Variants in PSD3 observed in about 807,000 individuals in gnomAD.
PSD3 encodes the protein pleckstrin and Sec7 domain containing 3.
In PSD3, 49 loss-of-function variants were observed where a neutral mutation model predicts 105.5. The ratio of observed to expected loss-of-function variants is 0.46; its 90% CI spans 0.37 to 0.59. The LOEUF (loss-of-function observed/expected upper bound fraction) is 0.59, where lower values mean the gene tolerates loss of function less well. PSD3 is among the 20% of genes least tolerant of loss of function. The pLI, the probability that PSD3 is intolerant of heterozygous loss-of-function variation, is 0.00. For synonymous variants in PSD3, 557 were observed against 457.8 expected (o/e 1.22, Z -2.77); for missense variants, 1,561 against 1,263.8 (o/e 1.24, Z -3.57).
chr8:18,809,560 T>C (rs1230628585), intron 4 of PSD3, among the ~76,000 whole-genome samples: 1 of 152,218 alleles, frequency 6.6e-6, no homozygotes, highest in African/African-American at 2.4e-5. Flanking sequence ...TCCCAAATAC[T>C]GCACAGGACA....
chr8:18,551,934 G>C (rs957468123), intron 15 of PSD3, among the ~76,000 whole-genome samples: 1 of 152,178 alleles, frequency 6.6e-6, no homozygotes, highest in Non-Finnish European at 1.5e-5. Context: ...AAAGCCTTCA[G>C]GGACCAGAGC....
intron 8 of PSD3, among the ~76,000 whole-genome samples, chr8:18,772,675 AT>A (rs1807651512): frequency 1.3e-5 from 2 of 151,846 alleles, no homozygotes; most frequent in South Asian, 2.1e-4. Flanking sequence ...TGCCCGGCTA[AT>A]TTTTTGTATT....
chr8:18,819,128 C>T lies in PSD3; in HGVS notation c.1635-14230G>A, dbSNP rs140176665. Among the ~76,000 whole-genome samples the T allele has an allele frequency of 2.3e-4, 35 of 152,302 alleles. No individual in the cohort carries two copies. The East Asian group carries it at 6.8e-3, about 29-fold the overall frequency. On this transcript the variant is annotated intron_variant, in intron 4 of 15. Transcript: ENST00000327040. Reference sequence around the variant, plus strand: ...CAACTGGTACCCAGAGACAGAACTCCTGACTCCAAATCCAACACTTTTTGT... The same window carrying T: ...CAACTGGTACCCAGAGACAGAACTCTTGACTCCAAATCCAACACTTTTTGT...
intron 4 of PSD3, among the ~76,000 whole-genome samples, chr8:18,838,149 A>C (rs1182051091): frequency 1.3e-5 from 2 of 152,248 alleles, no homozygotes; most frequent in African/African-American, 4.8e-5. Context: ...GACACAGCTC[A>C]TACTGTATTC....
At chr8:18,917,117 G>A (rs1483499655) in intron 2 of PSD3, among the ~76,000 whole-genome samples, 2 of 151,990 alleles carry the variant, frequency 1.3e-5, no homozygotes, top group East Asian at 3.9e-4. Context: ...TACCCTCAAT[G>A]CCTTCACCTT....
Position 18,765,442 on chromosome 8 carries a change from T to A in PSD3, c.2172+7A>T. On this transcript the variant is annotated splice_region_variant and intron_variant, in intron 9 of 15. Coordinates refer to ENST00000327040, the MANE Select transcript of PSD3 (RefSeq NM_015310.4). The stretch of plus-strand genomic sequence containing the variant: ...CATACACTAAAAACCAATAGTTCCA[T>A]GCTTACTTTCAGCAGATCCTTGGAG... 6.3e-7 allele frequency: 1 copy of A among 1,595,596 alleles called. No individual in the cohort carries two copies. Among genetic ancestry groups the A allele is most frequent in the Non-Finnish European group, 8.6e-7 (1 of 1,163,112 alleles).
At chr8:18,648,216 A>T (rs546045217) in intron 10 of PSD3, among the ~76,000 whole-genome samples, 12 of 152,344 alleles carry the variant, frequency 7.9e-5, no homozygotes, top group Middle Eastern at 3.4e-3. Context: ...AGAAGATGAC[A>T]GGAAGATGAG....
chr8:18,752,482 TTATATATATAATATATATA>T (rs1805575622), intron 9 of PSD3, among the ~76,000 whole-genome samples: 1 of 38,628 alleles, frequency 2.6e-5, no homozygotes, highest in Non-Finnish European at 5.3e-5. Flanking sequence ...ATATATATTA[TTATATATATAATATATATA>T]ATATATATAA....
rs1334221111 is a variant in PSD3, at chr8:18,821,154, C to T, written c.1635-16256G>A. 2.7e-5 allele frequency among the ~76,000 whole-genome samples: 4 copies of T among 148,724 alleles called. No individual in the cohort carries two copies. In the Admixed American group the frequency reaches 2.8e-4, roughly 10 times the overall value. On this transcript the variant is annotated intron_variant, in intron 4 of 15. Transcript: ENST00000327040. ...GCATAAAAATTCCTTCTGCTTTGGGCAAAACAAGGTATTTTGAAATTCTTT... is the reference window on the plus strand; with the variant it reads ...GCATAAAAATTCCTTCTGCTTTGGGTAAAACAAGGTATTTTGAAATTCTTT...
At chr8:18,865,267 TATATATATA>T (rs1816810077) in intron 4 of PSD3, 3 of 5,904 alleles carry the variant, frequency 5.1e-4, no homozygotes, top group African/African-American at 7.7e-4. Context: ...TATATATATA[TATATATATA>T]TATATATATA....
chr8:18,818,684 C>A (rs529806971), intron 4 of PSD3, among the ~76,000 whole-genome samples: 2 of 100,188 alleles, frequency 2.0e-5, no homozygotes, highest in South Asian at 3.1e-4. Context: ...CCTCTCCATA[C>A]CCCCCCCAAC....
At chr8:18,593,031 C>T (rs1055872216) in intron 12 of PSD3, among the ~76,000 whole-genome samples, 5 of 152,218 alleles carry the variant, frequency 3.3e-5, no homozygotes, top group African/African-American at 1.2e-4. Flanking sequence ...TAGAAGAAAA[C>T]CTAGGCAATA....
intron 4 of PSD3, among the ~76,000 whole-genome samples, chr8:18,857,922 G>A (rs1452234186): frequency 6.6e-6 from 1 of 152,144 alleles, no homozygotes; most frequent in Non-Finnish European, 1.5e-5. Context: ...ACAGGCATAA[G>A]AAACAGCATA....
At chr8:19,054,577 C>T (rs943334387) in intron 1 of PSD3, among the ~76,000 whole-genome samples, 4 of 152,082 alleles carry the variant, frequency 2.6e-5, no homozygotes, top group South Asian at 2.1e-4. Context: ...CCACATCTGC[C>T]GTAATTTTTT....
chr8:18,679,090 A>G (rs138525759), intron 9 of PSD3, among the ~76,000 whole-genome samples: 2 of 130,822 alleles, frequency 1.5e-5, no homozygotes, highest in Non-Finnish European at 3.5e-5. Context: ...AAATAGGCAG[A>G]TATCAATGTC....
At chr8:19,023,054 T>A (rs188157936) in intron 1 of PSD3, among the ~76,000 whole-genome samples, 149 of 152,322 alleles carry the variant, frequency 9.8e-4, no homozygotes, top group African/African-American at 3.5e-3. Flanking sequence ...TATGTGCTCA[T>A]AGGATATCAA....
chr8:18,789,388 C>T (rs979256463), intron 8 of PSD3, among the ~76,000 whole-genome samples: 2 of 152,076 alleles, frequency 1.3e-5, no homozygotes, highest in Non-Finnish European at 2.9e-5. Context: ...ATTTTAAGTG[C>T]TATTCTTTAA....
chr8:18,551,476 T>C (rs1800763971), intron 15 of PSD3, among the ~76,000 whole-genome samples: 2 of 152,198 alleles, frequency 1.3e-5, no homozygotes, highest in Admixed American at 1.3e-4. Context: ...CACCAAGAAT[T>C]AGAAATTCAG....
At chr8:19,058,727 G>C (rs1793589061) in intron 1 of PSD3, among the ~76,000 whole-genome samples, 1 of 152,148 alleles carries the variant, frequency 6.6e-6, no homozygotes, top group Admixed American at 6.5e-5. Flanking sequence ...GGAAATTAGA[G>C]AACAGTGCCA....
Sources: allele counts gnomAD v4.1 joint callset (sites outside exome capture counted in the v4.1 genomes callset), GRCh38; gene constraint gnomAD v4.1.1; transcripts MANE v1.5; gene names NCBI Gene and HGNC (gene_info 2026-07-23, HGNC 2026-07-21).